Variants in SNX29 observed in about 807,000 individuals in gnomAD.
The protein encoded by SNX29 is sorting nexin 29, also known as sorting nexin-29.
In SNX29, 78 loss-of-function variants were observed where a neutral mutation model predicts 102.1. The observed-to-expected ratio is 0.76, with a 90% CI of 0.64 to 0.92. SNX29 has a LOEUF of 0.92. Among genes scored for constraint, SNX29 ranks in the 40% least tolerant of loss-of-function variants. SNX29 has a pLI of 0.00. For synonymous variants in SNX29, 580 were observed against 414.5 expected (o/e 1.40, Z -4.85); for missense variants, 1,280 against 1,061.7 (o/e 1.21, Z -2.86).
At chr16:12,207,516 G>A (rs779590944) in intron 14 of SNX29, among the ~76,000 whole-genome samples, 14 of 152,216 alleles carry the variant, frequency 9.2e-5, no homozygotes, top group African/African-American at 1.2e-4. Flanking sequence ...TTTCATCTCC[G>A]TTCCCGACCC....
rs142196871 is a variant in SNX29, at chr16:12,570,158, G to A, written c.*1529G>A. ...AAGGCTGAGATCACTCACACACAGC[G>A]CCCCCCCACCCCAGAGAAACCGAGT... On this transcript the variant is annotated 3_prime_UTR_variant, in exon 21 of 21. Coordinates refer to ENST00000566228, the MANE Select transcript of SNX29 (RefSeq NM_032167.5). The A allele has an allele frequency of 3.5e-4, 369 of 1,064,122 alleles. 1 individual carries two copies. In the East Asian group the frequency reaches 4.0e-3, roughly 11 times the overall value. The allele number at this position is 1,064,122 out of a possible 1,614,324, so 65.9% of individuals were successfully genotyped here.
intron 19 of SNX29, among the ~76,000 whole-genome samples, chr16:12,499,938 A>G (rs2089028818): frequency 6.6e-6 from 1 of 152,142 alleles, no homozygotes; most frequent in African/African-American, 2.4e-5. Context: ...CAGTCTCACA[A>G]AGTGCTAGGA....
chr16:12,004,455 AG>A (rs1471680438), intron 3 of SNX29, among the ~76,000 whole-genome samples: 1 of 152,144 alleles, frequency 6.6e-6, no homozygotes, highest in Non-Finnish European at 1.5e-5. Flanking sequence ...GGCTTGGTAA[AG>A]GTAGGAGACA....
At chr16:12,162,487 T>G (rs2055830412) in intron 13 of SNX29, among the ~76,000 whole-genome samples, 1 of 152,236 alleles carries the variant, frequency 6.6e-6, no homozygotes, top group African/African-American at 2.4e-5. Flanking sequence ...AGTCTGCTGT[T>G]GTAGCAAGAA....
intron 15 of SNX29, among the ~76,000 whole-genome samples, chr16:12,328,997 C>T (rs142578919): frequency 1.4e-4 from 21 of 152,142 alleles, no homozygotes; most frequent in Non-Finnish European, 2.5e-4. Context: ...CCTGGCCAGG[C>T]ATGATGGCTC....
chr16:11,999,158 C>G (rs1246730025), intron 1 of SNX29, 139 bp from the exon 2 acceptor site: 2 of 732,892 alleles, frequency 2.7e-6, no homozygotes, highest in South Asian at 1.8e-5. Context: ...AATAGCCAAA[C>G]TTCATTGTAA....
chr16:12,141,283 A>C (rs1032504846), intron 13 of SNX29, among the ~76,000 whole-genome samples: 1 of 152,194 alleles, frequency 6.6e-6, no homozygotes, highest in Non-Finnish European at 1.5e-5. Flanking sequence ...AAGTAGGCTG[A>C]TCTTGGTTGT....
rs1010690893 is a variant in SNX29, at chr16:12,492,812, G to C, written c.2178+14953G>C. ...AATCCTTTCCCCATTGCTTGTTTTT[G>C]TCAGGTTTGCCAAAGATCAGATGGT... On this transcript the variant is annotated intron_variant, in intron 19 of 20. Transcript: ENST00000566228. Among the ~76,000 whole-genome samples, 13 of 152,218 alleles carry C rather than the reference G, an allele frequency of 8.5e-5. No homozygotes were observed. In the East Asian group the frequency reaches 1.9e-3, roughly 23 times the overall value.
intron 13 of SNX29, among the ~76,000 whole-genome samples, chr16:12,171,132 C>G (rs1394641874): frequency 6.6e-6 from 1 of 152,108 alleles, no homozygotes; most frequent in African/African-American, 2.4e-5. Flanking sequence ...GACAGCCTCA[C>G]CCTCCTGCCT....
intron 14 of SNX29, among the ~76,000 whole-genome samples, chr16:12,244,223 C>G (rs568658434): frequency 6.6e-6 from 1 of 152,190 alleles, no homozygotes; most frequent in East Asian, 1.9e-4. Context: ...CATTACAGGT[C>G]TGTGGCCTTG....
chr16:12,108,807 A>AT (rs544680740), intron 11 of SNX29, among the ~76,000 whole-genome samples: 171 of 152,250 alleles, frequency 1.1e-3, no homozygotes, highest in African/African-American at 3.0e-3. Context: ...TCTGTTGCTT[A>AT]TAACAGAGTA....
chr16:12,421,479 C>A (rs1482981886), intron 18 of SNX29, among the ~76,000 whole-genome samples: 1 of 152,192 alleles, frequency 6.6e-6, no homozygotes, highest in Non-Finnish European at 1.5e-5. Flanking sequence ...ATTCCTAGAT[C>A]TTTCTTGATT....
At chr16:12,016,232 G>A (rs1306750419) in intron 3 of SNX29, among the ~76,000 whole-genome samples, 1 of 152,158 alleles carries the variant, frequency 6.6e-6, no homozygotes, top group Admixed American at 6.5e-5. Context: ...GTTGCCTGTG[G>A]AATACTGACT....
chr16:12,170,438 C>A (rs991004143), intron 13 of SNX29, among the ~76,000 whole-genome samples: 2 of 151,836 alleles, frequency 1.3e-5, no homozygotes, highest in Non-Finnish European at 1.5e-5. Context: ...GTGGGGGAGA[C>A]CACTTAGCCC....
At chr16:12,154,697 A>G (rs781616297) in intron 13 of SNX29, among the ~76,000 whole-genome samples, 13 of 152,160 alleles carry the variant, frequency 8.5e-5, no homozygotes, top group Non-Finnish European at 1.6e-4. Flanking sequence ...TAGATCTCTC[A>G]TGGTTGTGGA....
intron 15 of SNX29, among the ~76,000 whole-genome samples, chr16:12,322,051 G>T (rs944688158): frequency 6.6e-6 from 1 of 152,180 alleles, no homozygotes; most frequent in Non-Finnish European, 1.5e-5. Flanking sequence ...TCCCGGTCCT[G>T]TGTCTGCGTG....
intron 10 of SNX29, among the ~76,000 whole-genome samples, chr16:12,070,915 G>A (rs945494305): frequency 1.3e-5 from 2 of 152,144 alleles, no homozygotes; most frequent in Non-Finnish European, 2.9e-5. Context: ...GCATTTCTCT[G>A]ATGGCCAGCG....
At chr16:12,101,541 G>A (rs1219445838) in intron 11 of SNX29, among the ~76,000 whole-genome samples, 1 of 151,784 alleles carries the variant, frequency 6.6e-6, no homozygotes, top group Non-Finnish European at 1.5e-5. Flanking sequence ...GCACCACCAT[G>A]CCTGGCCAAT....
intron 11 of SNX29, 46 bp from the exon 12 acceptor site, chr16:12,126,587 C>T (rs533637653): frequency 2.5e-6 from 4 of 1,596,088 alleles, no homozygotes; most frequent in Admixed American, 3.4e-5. Flanking sequence ...CATGCTGTAA[C>T]AGGCAAGACC....
Sources: allele counts gnomAD v4.1 joint callset (sites outside exome capture counted in the v4.1 genomes callset), GRCh38; gene constraint gnomAD v4.1.1; transcripts MANE v1.5; gene names NCBI Gene and HGNC (gene_info 2026-07-23, HGNC 2026-07-21).